The following BCL11A variants were observed in gnomAD, a reference collection of about 807,000 sequenced individuals.
BCL11A encodes the protein B cell CLL/lymphoma 11A.
A neutral mutation model predicts 55.9 loss-of-function variants in BCL11A; 2 were observed. That is an observed-to-expected ratio of 0.04 (90% CI 0.01 to 0.11). The LOEUF is 0.11. Ranked by LOEUF, BCL11A falls within the 10% of genes least tolerant of loss-of-function variation. The pLI is 1.00. For missense variants in BCL11A, 817 were observed against 1,137.1 expected, an observed-to-expected ratio of 0.72 and a Z score of 4.05; for synonymous variants, 465 against 473.4, an observed-to-expected ratio of 0.98 and a Z score of 0.23.
intron 2 of BCL11A, among the ~76,000 whole-genome samples, chr2:60,506,726 C>T (rs900886819): frequency 4.6e-5 from 7 of 152,218 alleles, no homozygotes; most frequent in African/African-American, 9.7e-5. Context: ...TCCTCCTAAA[C>T]GCCTGATATA....
chr2:60,471,222 C>T (rs1677174044), intron 2 of BCL11A, among the ~76,000 whole-genome samples: 1 of 152,228 alleles, frequency 6.6e-6, no homozygotes, highest in East Asian at 1.9e-4. Flanking sequence ...TTGCTGTGTT[C>T]ACCCTCTACC....
At chr2:60,538,776 TGTGTGTG>T (rs1669788864) in intron 2 of BCL11A, among the ~76,000 whole-genome samples, 3 of 151,126 alleles carry the variant, frequency 2.0e-5, no homozygotes, top group African/African-American at 7.3e-5. Flanking sequence ...TGTGTGTGTG[TGTGTGTG>T]TAATGGGGAA....
At chr2:60,478,403 C>G (rs543521170) in intron 2 of BCL11A, among the ~76,000 whole-genome samples, 2 of 152,322 alleles carry the variant, frequency 1.3e-5, no homozygotes, top group East Asian at 1.9e-4. Context: ...AGAAACCTGT[C>G]GTCTGGACAC....
chr2:60,511,764 C>A (rs1362770928), intron 2 of BCL11A, among the ~76,000 whole-genome samples: 1 of 152,240 alleles, frequency 6.6e-6, no homozygotes, highest in Non-Finnish European at 1.5e-5. Context: ...AAAGAAGCAG[C>A]TAGTCATGTA....
At chr2:60,494,537 C>A (rs1007934163) in intron 2 of BCL11A, among the ~76,000 whole-genome samples, 1 of 152,226 alleles carries the variant, frequency 6.6e-6, no homozygotes, top group Non-Finnish European at 1.5e-5. Context: ...TCTCCCTAAT[C>A]TCCAATTGGC....
At chr2:60,510,484 T>G (rs1414058285) in intron 2 of BCL11A, among the ~76,000 whole-genome samples, 1 of 152,184 alleles carries the variant, frequency 6.6e-6, no homozygotes, top group Non-Finnish European at 1.5e-5. Context: ...TTTAAAAGCC[T>G]GGTCACCATG....
chr2:60,511,532 T>G (rs7340410), intron 2 of BCL11A, among the ~76,000 whole-genome samples: 64,676 of 152,056 alleles, frequency 0.43, 15,095 homozygotes, highest in African/African-American at 0.6. Flanking sequence ...TTTCTGACAG[T>G]TCTTTTTTTT....
chr2:60,482,107 C>A (rs1001859535), intron 2 of BCL11A, among the ~76,000 whole-genome samples: 1 of 152,196 alleles, frequency 6.6e-6, no homozygotes, highest in East Asian at 1.9e-4. Flanking sequence ...TGTTAAGGGG[C>A]GGGTGGTTTG....
Position 60,462,024 on chromosome 2 carries a change from G to A in BCL11A, c.888C>T (p.Ala296=), listed in dbSNP as rs372735056. The A allele has an allele frequency of 3.9e-5, 63 of 1,611,816 alleles. No individual in the cohort carries two copies. Among genetic ancestry groups the A allele is most frequent in the Admixed American group, 1.0e-4 (6 of 59,858 alleles). The part of the protein sequence containing the change: ...EMALATHHPS[A]FDRVLRLNPM... Reference sequence around the variant, plus strand: ...GATTCAACCGCAGCACCCTGTCAAAGGCACTCGGGTGATGGGTGGCCAGGG... The same window carrying A: ...GATTCAACCGCAGCACCCTGTCAAAAGCACTCGGGTGATGGGTGGCCAGGG... The change falls in exon 4 of 4, where the codon GCC becomes GCT. Residue 296 remains alanine (A), a synonymous_variant. Transcript: ENST00000642384.
rs763767332 is a variant in BCL11A, at chr2:60,546,297, T to A, written c.59A>T (p.Glu20Val). Residue 20 changes from glutamate (E) to valine (V), a missense_variant, in exon 2 of 4, where the codon GAG becomes GTG. Physicochemically the swap from Glu to Val is moderately radical, Grantham distance 121. This residue lies in a region of BCL11A where 363 missense variants were observed against 486.6 expected (regional missense o/e 0.75). Coordinates refer to ENST00000642384, the MANE Select transcript of BCL11A (RefSeq NM_022893.4). The surrounding 1 kb of genome is among the most constrained non-coding windows in gnomAD (Gnocchi z 4.1). ...ATCTGTAAGAATGGCTTCAAGAGGC[T>A]CGGCTGTGGTTGGAGAAACAAAAGC... is the stretch of plus-strand genomic sequence containing the variant. ...QHLSKREFSPEPLEAILTDDE... is the reference protein window; with the variant it reads ...QHLSKREFSPVPLEAILTDDE... 4.3e-6 allele frequency: 7 copies of A among 1,611,746 alleles called. No individual in the cohort carries two copies. The South Asian group carries it at 5.5e-5, about 13-fold the overall frequency.
At chr2:60,474,774 G>A (rs1158953607) in intron 2 of BCL11A, among the ~76,000 whole-genome samples, 2 of 152,010 alleles carry the variant, frequency 1.3e-5, no homozygotes, top group Admixed American at 6.5e-5. Flanking sequence ...AATATTTACC[G>A]AGTGCCTACA....
chr2:60,507,162 T>G (rs997453253), intron 2 of BCL11A, among the ~76,000 whole-genome samples: 1 of 147,846 alleles, frequency 6.8e-6, no homozygotes, highest in Non-Finnish European at 1.5e-5. Context: ...GGCCAAGGAT[T>G]AAATGCTCTT....
intron 2 of BCL11A, among the ~76,000 whole-genome samples, chr2:60,491,181 C>G (rs1051769743): frequency 6.6e-6 from 1 of 152,204 alleles, no homozygotes; most frequent in Admixed American, 6.5e-5. Context: ...CAACCATGGT[C>G]ATCTGCAAAG....
At chr2:60,552,601 A>C (rs1670461811) in intron 1 of BCL11A, among the ~76,000 whole-genome samples, 1 of 152,174 alleles carries the variant, frequency 6.6e-6, no homozygotes, top group Non-Finnish European at 1.5e-5. Flanking sequence ...CCGCGGACTC[A>C]GGAGCGCCGG....
intron 2 of BCL11A, chr2:60,533,019 A>T (rs925774053): frequency 6.6e-6 from 1 of 152,218 alleles, no homozygotes; most frequent in African/African-American, 2.4e-5. Context: ...GGTACACTAG[A>T]TTATGCCAAT....
At chr2:60,531,545 A>ATC in intron 2 of BCL11A, among the ~76,000 whole-genome samples, 1 of 152,358 alleles carries the variant, frequency 6.6e-6, no homozygotes, top group Middle Eastern at 3.4e-3. Context: ...AAACAAAAAT[A>ATC]GATTCATAAG....
At chr2:60,478,276 G>A (rs548309332) in intron 2 of BCL11A, 1 of 152,326 alleles carries the variant, frequency 6.6e-6, no homozygotes, top group African/African-American at 2.4e-5. Context: ...TCACCTCCCA[G>A]TGAGGAACTC....
At chr2:60,468,016 GGTGGTGGTA>G (rs1676952772) in intron 3 of BCL11A, among the ~76,000 whole-genome samples, 3 of 11,384 alleles carry the variant, frequency 2.6e-4, no homozygotes, top group South Asian at 3.8e-3. Flanking sequence ...TGATGGTGGT[GGTGGTGGTA>G]GTGGTGGTGA....
At chr2:60,553,000 G>A (rs1670485250) in intron 1 of BCL11A, among the ~76,000 whole-genome samples, 1 of 151,956 alleles carries the variant, frequency 6.6e-6, no homozygotes, top group African/African-American at 2.4e-5. Flanking sequence ...AAATTAAAAG[G>A]TGCGTGCTGT....
Sources: allele counts gnomAD v4.1 joint callset (sites outside exome capture counted in the v4.1 genomes callset), GRCh38; gene constraint gnomAD v4.1.1; regional missense constraint gnomAD v4.1.1; non-coding constraint Gnocchi (gnomAD v3.1); transcripts MANE v1.5; gene names NCBI Gene and HGNC (gene_info 2026-07-23, HGNC 2026-07-21).